The following ARSG variants were observed in gnomAD, a reference collection of about 807,000 sequenced individuals.
The protein encoded by ARSG is arylsulfatase G.
A neutral mutation model predicts 50.5 loss-of-function variants in ARSG; 37 were observed. The observed-to-expected ratio is 0.73, with a 90% CI of 0.56 to 0.96. The LOEUF is 0.96. ARSG is among the 50% of genes least tolerant of loss of function. ARSG has a pLI of 0.00. For missense variants in ARSG, 629 were observed against 675.3 expected (o/e 0.93, Z 0.76); for synonymous variants, 225 against 254.6 (o/e 0.88, Z 1.11).
At chr17:68,294,852 C>T (rs753226119) in intron 1 of ARSG, among the ~76,000 whole-genome samples, 13 of 152,118 alleles carry the variant, frequency 8.5e-5, no homozygotes, top group African/African-American at 2.2e-4. Flanking sequence ...CGCAGCACCC[C>T]GCCAAATTTC....
At chr17:68,347,085 T>A in intron 3 of ARSG, 40 bp from the exon 4 acceptor site, 1 of 1,610,250 alleles carries the variant, frequency 6.2e-7, no homozygotes, top group Non-Finnish European at 8.5e-7. Context: ...GGTACCCCTA[T>A]GGGGATTCCT....
rs2082712018 is a variant in ARSG, at chr17:68,420,609, AT to A, written c.*147del. On this transcript the variant is annotated 3_prime_UTR_variant, in exon 12 of 12. Coordinates refer to ENST00000621439, the MANE Select transcript of ARSG (RefSeq NM_001267727.2). Reference sequence around the variant, plus strand: ...AGTTAGCCTTGCATATCCCTTCTGTATCCTGTCCCTCCTCCACGCCGACCCG... The same window carrying A: ...AGTTAGCCTTGCATATCCCTTCTGTACCTGTCCCTCCTCCACGCCGACCCG... The A allele has an allele frequency of 1.0e-6, 1 of 953,348 alleles. No homozygotes were observed. The allele number at this position is 953,348 out of a possible 1,614,324, so 59.1% of individuals were successfully genotyped here.
chr17:68,413,451 T>G (rs2082142872), intron 11 of ARSG, among the ~76,000 whole-genome samples: 1 of 152,158 alleles, frequency 6.6e-6, no homozygotes, highest in Non-Finnish European at 1.5e-5. Flanking sequence ...GGGACCCACT[T>G]GAGGAGGCAG....
chr17:68,419,131 C>T (rs576089047), intron 11 of ARSG, among the ~76,000 whole-genome samples: 3 of 152,178 alleles, frequency 2.0e-5, no homozygotes, highest in South Asian at 4.1e-4. Context: ...TTCGAATCCA[C>T]GTAAGACTGT....
intron 10 of ARSG, among the ~76,000 whole-genome samples, chr17:68,397,754 T>TTTTAA (rs983254570): frequency 6.6e-6 from 1 of 151,966 alleles, no homozygotes; most frequent in African/African-American, 2.4e-5. Context: ...GCATGTTTTG[T>TTTTAA]TTTAATTTAA....
intron 8 of ARSG, chr17:68,379,856 T>C (rs753680267): frequency 1.0e-5 from 10 of 985,298 alleles, no homozygotes; most frequent in Non-Finnish European, 1.2e-5. Flanking sequence ...GTAATTTGGT[T>C]GGCACTTCTC....
At chr17:68,351,528 T>C in intron 4 of ARSG, 47 bp from the exon 5 acceptor site, 2 of 1,025,582 alleles carry the variant, frequency 2.0e-6, no homozygotes, top group Non-Finnish European at 3.1e-6. Flanking sequence ...GGCAAGCACA[T>C]GGAGTCGCAG....
chr17:68,352,767 C>T (rs956185667), intron 5 of ARSG, among the ~76,000 whole-genome samples: 1 of 152,116 alleles, frequency 6.6e-6, no homozygotes, highest in African/African-American at 2.4e-5. Context: ...ACTTCGGCCT[C>T]CCAAAGTGCT....
At chr17:68,284,103 CAAA>C (rs1189737736) in intron 1 of ARSG, among the ~76,000 whole-genome samples, 1 of 56,508 alleles carries the variant, frequency 1.8e-5, no homozygotes, top group Non-Finnish European at 3.5e-5. Flanking sequence ...GACTCTGTCT[CAAA>C]AAAAAAAAAA....
chr17:68,443,088 T>TTTTA, the ARSG span, among the ~76,000 whole-genome samples: 2 of 152,246 alleles, frequency 1.3e-5, no homozygotes, highest in Admixed American at 1.3e-4. Context: ...GGCTTTGTTC[T>TTTTA]TTTATTTATT....
intron 2 of ARSG, among the ~76,000 whole-genome samples, chr17:68,333,628 CAA>C (rs567342286): frequency 9.8e-6 from 1 of 102,408 alleles, no homozygotes; most frequent in African/African-American, 3.7e-5. Flanking sequence ...AACTCTGTCT[CAA>C]AAATAATAAT....
At chr17:68,320,777 G>A (rs778364794) in intron 2 of ARSG, among the ~76,000 whole-genome samples, 3 of 152,178 alleles carry the variant, frequency 2.0e-5, no homozygotes, top group Non-Finnish European at 2.9e-5. Flanking sequence ...CTGGAAGGGC[G>A]GGGGTCACGT....
the ARSG span, among the ~76,000 whole-genome samples, chr17:68,451,609 G>A: frequency 6.6e-6 from 1 of 152,178 alleles, no homozygotes; most frequent in Non-Finnish European, 1.5e-5. Context: ...TTCCCTGAGA[G>A]ATTTCAAAGG....
chr17:68,368,025 G>C (rs1017895355), intron 6 of ARSG, among the ~76,000 whole-genome samples: 1 of 152,038 alleles, frequency 6.6e-6, no homozygotes, highest in African/African-American at 2.4e-5. Flanking sequence ...TGACAATATC[G>C]CGCCACTGCA....
intron 6 of ARSG, among the ~76,000 whole-genome samples, chr17:68,364,102 C>T (rs1251931886): frequency 6.6e-6 from 1 of 152,134 alleles, no homozygotes; most frequent in Admixed American, 6.5e-5. Flanking sequence ...CATTTCGGAT[C>T]AGATGATTTT....
At chr17:68,430,774 G>A in the ARSG span, among the ~76,000 whole-genome samples, 235 of 152,286 alleles carry the variant, frequency 1.5e-3, no homozygotes, top group African/African-American at 5.5e-3. Context: ...TTCTGTTGGT[G>A]AGAGACAACC....
chr17:68,414,019 C>T (rs1356647406), intron 11 of ARSG: 2 of 154,858 alleles, frequency 1.3e-5, no homozygotes, highest in African/African-American at 4.8e-5. Flanking sequence ...CTGTCTGGCA[C>T]TCCCTAGTGA....
the ARSG span, among the ~76,000 whole-genome samples, chr17:68,451,231 G>T: frequency 2.6e-5 from 4 of 152,230 alleles, no homozygotes; most frequent in African/African-American, 9.6e-5. Flanking sequence ...AGGAGTTCAA[G>T]ACCAGCCTGG....
intron 8 of ARSG, among the ~76,000 whole-genome samples, chr17:68,383,131 G>C (rs772993540): frequency 6.6e-6 from 1 of 152,182 alleles, no homozygotes; most frequent in Non-Finnish European, 1.5e-5. Context: ...TCTCTGAAGA[G>C]CGTATTAGGA....
Sources: allele counts gnomAD v4.1 joint callset (sites outside exome capture counted in the v4.1 genomes callset), GRCh38; gene constraint gnomAD v4.1.1; transcripts MANE v1.5; gene names NCBI Gene and HGNC (gene_info 2026-07-23, HGNC 2026-07-21).